Variants in TJP2 observed in about 807,000 individuals in gnomAD.
TJP2 encodes tight junction protein 2, also known as Friedreich ataxia region gene X104 (tight junction protein ZO-2).
TJP2 carries 91 observed loss-of-function variants against 133.1 expected under a neutral mutation model. The ratio of observed to expected loss-of-function variants is 0.68; its 90% CI spans 0.58 to 0.81. The LOEUF (loss-of-function observed/expected upper bound fraction) is 0.81. Ranked by LOEUF, TJP2 falls within the 40% of genes least tolerant of loss-of-function variation. TJP2 has a pLI of 0.00. For missense variants in TJP2, 1,541 were observed against 1,565.6 expected (o/e 0.98, Z 0.26); for synonymous variants, 592 against 583.4 (o/e 1.01, Z -0.21).
At position 69,157,993 on chromosome 9, in the gene TJP2, C is replaced by T. The variant is rs1823859912; in HGVS notation, c.-10+6222C>T. 3.9e-5 allele frequency among the ~76,000 whole-genome samples: 6 copies of T among 151,974 alleles called. No individual in the cohort carries two copies. The South Asian group carries it at 1.3e-3, about 32-fold the overall frequency. On this transcript the variant is annotated intron_variant, in intron 2 of 5. Coordinates refer to the TJP2 transcript ENST00000423935. ...CTGCATGTTTAAAAGAATTCAGAACCTAAGAATTAAAAGCTGACCCAGAGG... is the reference window on the plus strand; with the variant it reads ...CTGCATGTTTAAAAGAATTCAGAACTTAAGAATTAAAAGCTGACCCAGAGG...
At chr9:69,234,062 C>T (rs1829983903) in intron 11 of TJP2, among the ~76,000 whole-genome samples, 1 of 152,212 alleles carries the variant, frequency 6.6e-6, no homozygotes, top group Non-Finnish European at 1.5e-5. Flanking sequence ...CCCCATGCTT[C>T]ATACTTGTGT....
In TJP2 at chr9:69,254,272, T is replaced by A; in HGVS notation, c.3471T>A (p.Tyr1157Ter). ...CTTATCAGGATACCAGAGGAAGTTATGGCAGTGATGCCGAGGAGGAGGAGT... is the reference window on the plus strand; with the variant it reads ...CTTATCAGGATACCAGAGGAAGTTAAGGCAGTGATGCCGAGGAGGAGGAGT... The part of the protein sequence containing the change: ...SRPYQDTRGS[Y>*]GSDAEEEEYR... Residue 1157 changes from tyrosine (Y) to a stop codon, truncating the protein, a stop_gained, in exon 23 of 23, where the codon TAT (tyrosine) becomes TAA (stop). Coordinates refer to ENST00000377245, the MANE Select transcript of TJP2 (RefSeq NM_004817.4). LOFTEE classifies it high-confidence loss of function. 6.2e-7 allele frequency: 1 copy of A among 1,614,250 alleles called. No individual in the cohort carries two copies. The highest frequency in any genetic ancestry group is 8.5e-7 in the Non-Finnish European group (1 of 1,180,042).
At chr9:69,169,853 A>AT (rs1326603818), upstream of TJP2, among the ~76,000 whole-genome samples, 1 of 151,968 alleles carries the variant, frequency 6.6e-6, no homozygotes, top group African/African-American at 2.4e-5. Context: ...CTTATTTCTT[A>AT]TTTTTTGAGA....
In TJP2 at chr9:69,229,262, C is replaced by T. The variant is rs200249003; in HGVS notation, c.1520+12C>T. 5.7e-5 allele frequency: 92 copies of T among 1,611,786 alleles called. No homozygotes were observed. In the South Asian group the frequency reaches 7.0e-4, roughly 12 times the overall value. ...GAAGCAATATATGGGTATGTATTTC[C>T]GTCTCTCTTTGTTTTCCCTTCTTCC... On this transcript the variant is annotated intron_variant, in intron 10 of 22. Coordinates refer to ENST00000377245, the MANE Select transcript of TJP2 (RefSeq NM_004817.4).
rs116988466 is a variant in TJP2 at position 69,150,981 on chromosome 9, A to G, written c.-130-670A>G. On this transcript the variant is annotated intron_variant, in intron 1 of 5. Coordinates refer to the TJP2 transcript ENST00000423935. ...TATAACATCAATGAACCCTGAATACATTATGCTAAGTAAAAGAAGGCAGTC... is the reference window on the plus strand; with the variant it reads ...TATAACATCAATGAACCCTGAATACGTTATGCTAAGTAAAAGAAGGCAGTC... Among the ~76,000 whole-genome samples, 524 of 152,344 alleles carry G rather than the reference A, an allele frequency of 3.4e-3. 1 individual carries two copies. The highest frequency in any genetic ancestry group is 7.4e-3 in the Admixed American group (113 of 15,298).
intron 18 of TJP2, 128 bp from the exon 19 acceptor site, chr9:69,247,882 TAA>T (rs749542219): frequency 2.2e-5 from 20 of 905,522 alleles, no homozygotes; most frequent in Non-Finnish European, 2.9e-5. Flanking sequence ...GGGAGAAAAA[TAA>T]AAGATGCCTT....
intron 6 of TJP2, 60 bp from the exon 7 acceptor site, chr9:69,225,962 T>A (rs1036248079): frequency 1.9e-6 from 3 of 1,578,980 alleles, no homozygotes; most frequent in Non-Finnish European, 2.6e-6. Context: ...GGGGAAAATA[T>A]GAATTTTCTA....
At chr9:69,121,433 C>T, upstream of TJP2, 1 of 801,554 alleles carries the variant, frequency 1.2e-6, no homozygotes, top group Non-Finnish European at 1.5e-6. Context: ...GCCCAACTCC[C>T]CCTGCCCCCA....
At chr9:69,240,282 A>G in intron 17 of TJP2, 135 bp downstream of exon 17, 1 of 900,414 alleles carries the variant, frequency 1.1e-6, no homozygotes, top group South Asian at 1.5e-5. Context: ...AGTTAATCCT[A>G]TAAAATGGGA....
chr9:69,136,324 G>C (rs948641194), intron 1 of TJP2, among the ~76,000 whole-genome samples: 2 of 152,180 alleles, frequency 1.3e-5, no homozygotes, highest in Admixed American at 6.5e-5. Flanking sequence ...TTTGAGACCA[G>C]TCTGGGTGAC....
intron 1 of TJP2, chr9:69,204,654 ATTTTC>A (rs1827256451): frequency 3.6e-6 from 1 of 281,422 alleles, no homozygotes; most frequent in Admixed American, 6.5e-5. Flanking sequence ...GACGTAAAAC[ATTTTC>A]TTTTCATGCT....
intron 15 of TJP2, 90 bp downstream of exon 15, chr9:69,238,063 C>A: frequency 1.1e-6 from 1 of 874,622 alleles, no homozygotes; most frequent in Non-Finnish European, 1.9e-6. Flanking sequence ...CACCCACGTA[C>A]CCTTCACCTG....
intron 17 of TJP2, among the ~76,000 whole-genome samples, chr9:69,245,247 T>G (rs1830842215): frequency 6.6e-6 from 1 of 152,258 alleles, no homozygotes; most frequent in African/African-American, 2.4e-5. Flanking sequence ...CTAAGGTCAC[T>G]GTTAGAACTT....
intron 2 of TJP2, among the ~76,000 whole-genome samples, chr9:69,157,206 A>G (rs1375383232): frequency 2.0e-5 from 3 of 152,216 alleles, no homozygotes; most frequent in Non-Finnish European, 4.4e-5. Flanking sequence ...ATGCAACTGT[A>G]TAATGATCAT....
At chr9:69,161,176 AG>A (rs970841346) in intron 2 of TJP2, among the ~76,000 whole-genome samples, 4 of 152,062 alleles carry the variant, frequency 2.6e-5, no homozygotes, top group African/African-American at 9.7e-5. Flanking sequence ...GAGGGATGCA[AG>A]GTAGTATGCC....
At chr9:69,140,762 C>T (rs571893497) in intron 1 of TJP2, among the ~76,000 whole-genome samples, 1 of 152,316 alleles carries the variant, frequency 6.6e-6, no homozygotes, top group South Asian at 2.1e-4. Context: ...CAATTCTAGG[C>T]TCATAGTAGA....
chr9:69,189,048 A>G (rs1432761323), intron 1 of TJP2, among the ~76,000 whole-genome samples: 2 of 152,358 alleles, frequency 1.3e-5, no homozygotes, highest in South Asian at 4.1e-4. Flanking sequence ...GTTTTAGGCT[A>G]TCAGACAGCC....
chr9:69,220,779 G>A, intron 4 of TJP2, 108 bp from the exon 5 acceptor site: 3 of 1,072,134 alleles, frequency 2.8e-6, no homozygotes, highest in Non-Finnish European at 4.2e-6. Context: ...TTAGTGAGTC[G>A]GCAGGGATAC....
At chr9:69,245,000 G>A (rs925278658) in intron 17 of TJP2, among the ~76,000 whole-genome samples, 1 of 152,138 alleles carries the variant, frequency 6.6e-6, no homozygotes. Context: ...TTAACATTTT[G>A]TATATATTTA....
Sources: allele counts gnomAD v4.1 joint callset (sites outside exome capture counted in the v4.1 genomes callset), GRCh38; gene constraint gnomAD v4.1.1; transcripts MANE v1.5; gene names NCBI Gene and HGNC (gene_info 2026-07-23, HGNC 2026-07-21).